PIK3AP1: variants seen among roughly 807,000 people sequenced by gnomAD.
PIK3AP1 encodes the protein phosphoinositide 3-kinase adapter protein 1.
A neutral mutation model predicts 88.1 loss-of-function variants in PIK3AP1; 21 were observed. That is an observed-to-expected ratio of 0.24 (90% CI 0.17 to 0.34). The LOEUF is 0.34. Ranked by LOEUF, PIK3AP1 falls within the 10% of genes least tolerant of loss-of-function variation. The pLI is 1.00. For synonymous variants in PIK3AP1, 398 were observed against 400.0 expected, an observed-to-expected ratio of 1.00 and a Z score of 0.06; for missense variants, 828 against 1,035.7, an observed-to-expected ratio of 0.80 and a Z score of 2.75.
chr10:96,672,167 G>A, intron 2 of PIK3AP1, among the ~76,000 whole-genome samples: 1 of 152,230 alleles, frequency 6.6e-6, no homozygotes. Flanking sequence ...GCTTCCAGAG[G>A]TGGTTGGAGC....
chr10:96,719,012 C>T (rs1844538581), intron 1 of PIK3AP1, among the ~76,000 whole-genome samples: 1 of 152,114 alleles, frequency 6.6e-6, no homozygotes, highest in African/African-American at 2.4e-5. Context: ...TTTGAAAATC[C>T]TAACCCCAGT....
intron 2 of PIK3AP1, among the ~76,000 whole-genome samples, chr10:96,708,901 C>T (rs1488265989): frequency 2.0e-5 from 3 of 152,004 alleles, no homozygotes; most frequent in Non-Finnish European, 4.4e-5. Context: ...GAGGCTGAGG[C>T]GGGTGGATCA....
rs116832050 is a variant in PIK3AP1 at position 96,618,136 on chromosome 10, G to A, written c.1942-1425C>T. Among the ~76,000 whole-genome samples the A allele has an allele frequency of 5.6e-3, 848 of 152,276 alleles. 9 individuals are homozygous for A. Among genetic ancestry groups the A allele is most frequent in the African/African-American group, 0.02 (815 of 41,558 alleles). ...GTGAGCCCCCATGAGCTGGGATTCT[G>A]CCGTATTAAATATAAACCCGTCGTC... On this transcript the variant is annotated intron_variant, in intron 12 of 16. Transcript: ENST00000339364.
intron 11 of PIK3AP1, among the ~76,000 whole-genome samples, chr10:96,623,081 A>G (rs553099364): frequency 1.3e-5 from 2 of 152,272 alleles, no homozygotes; most frequent in East Asian, 3.9e-4. Context: ...GGTCCTTTGT[A>G]CGACCAATTT....
chr10:96,685,006 T>C (rs968828069), intron 2 of PIK3AP1, among the ~76,000 whole-genome samples: 2 of 152,186 alleles, frequency 1.3e-5, no homozygotes, highest in African/African-American at 4.8e-5. Context: ...GATCACAATC[T>C]CCCCAACACA....
chr10:96,644,987 G>C (rs1843439628), intron 8 of PIK3AP1, among the ~76,000 whole-genome samples: 1 of 152,054 alleles, frequency 6.6e-6, no homozygotes, highest in Non-Finnish European at 1.5e-5. Context: ...GAGTGTGTCT[G>C]CATCTGACTC....
At chr10:96,713,216 G>C (rs1844459986) in intron 1 of PIK3AP1, among the ~76,000 whole-genome samples, 1 of 151,916 alleles carries the variant, frequency 6.6e-6, no homozygotes. Context: ...GCAAAAATTA[G>C]GCCAGGCGCG....
chr10:96,651,794 G>C, intron 4 of PIK3AP1, 143 bp from the exon 5 acceptor site: 1 of 957,098 alleles, frequency 1.0e-6, no homozygotes, highest in Non-Finnish European at 1.5e-6. Flanking sequence ...GAGCTGGGGC[G>C]GGAGTGAGGG....
At chr10:96,687,622 A>G (rs937690479) in intron 2 of PIK3AP1, among the ~76,000 whole-genome samples, 1 of 151,772 alleles carries the variant, frequency 6.6e-6, no homozygotes, top group Non-Finnish European at 1.5e-5. Context: ...CGCTTTCTCT[A>G]TTTTTCCCAT....
rs573292871 is a variant in PIK3AP1, at chr10:96,669,158, C to T, written c.431-12224G>A. ...AAAATAAAATAAAATTTAACCACCACACAAATGGGGCAGGAATATAGAGTT... is the reference window on the plus strand; with the variant it reads ...AAAATAAAATAAAATTTAACCACCATACAAATGGGGCAGGAATATAGAGTT... On this transcript the variant is annotated intron_variant, in intron 2 of 16. Coordinates refer to ENST00000339364, the MANE Select transcript of PIK3AP1 (RefSeq NM_152309.3). Among the ~76,000 whole-genome samples the T allele has an allele frequency of 4.1e-4, 63 of 151,986 alleles. No individual in the cohort carries two copies. The South Asian group carries it at 0.013, about 31-fold the overall frequency.
chr10:96,695,612 G>T (rs1844209475), intron 2 of PIK3AP1, among the ~76,000 whole-genome samples: 1 of 152,138 alleles, frequency 6.6e-6, no homozygotes, highest in Admixed American at 6.6e-5. Flanking sequence ...CTTCTTAATG[G>T]TGATGGAGAA....
At chr10:96,640,511 A>AAT (rs1456161502) in intron 8 of PIK3AP1, among the ~76,000 whole-genome samples, 1 of 152,218 alleles carries the variant, frequency 6.6e-6, no homozygotes, top group African/African-American at 2.4e-5. Context: ...ACAAAGAACT[A>AAT]AGTGAGAAAA....
chr10:96,712,049 C>T (rs192698857), intron 1 of PIK3AP1, among the ~76,000 whole-genome samples: 20 of 152,042 alleles, frequency 1.3e-4, no homozygotes, highest in Non-Finnish European at 2.4e-4. Context: ...CCACCGCACC[C>T]GGCCATATTA....
At chr10:96,608,890 G>A (rs1172794740) in intron 14 of PIK3AP1, among the ~76,000 whole-genome samples, 1 of 152,198 alleles carries the variant, frequency 6.6e-6, no homozygotes, top group Non-Finnish European at 1.5e-5. Context: ...TGCTTTCCTA[G>A]CTGTTTTATT....
At position 96,651,618 on chromosome 10, in the gene PIK3AP1, T is replaced by C; in HGVS notation, c.746A>G (p.Tyr249Cys). 1 of 1,614,130 alleles carries C rather than the reference T, an allele frequency of 6.2e-7. No individual in the cohort carries two copies. Among genetic ancestry groups the C allele is most frequent in the Non-Finnish European group, 8.5e-7 (1 of 1,180,000 alleles). ...LSSGNVSLKIYSGDLVVCETV... is the reference protein window; with the variant it reads ...LSSGNVSLKICSGDLVVCETV... ...TTCACACACCACTAAGTCTCCAGAATATATCTTCAGAGAAACGTTCCCAGA... is the reference window on the plus strand; with the variant it reads ...TTCACACACCACTAAGTCTCCAGAACATATCTTCAGAGAAACGTTCCCAGA... Residue 249 changes from tyrosine (Y) to cysteine (C), a missense_variant, in exon 5 of 17, where the codon TAT becomes TGT. Coordinates refer to ENST00000339364, the MANE Select transcript of PIK3AP1 (RefSeq NM_152309.3).
At chr10:96,699,182 C>T (rs1021220267) in intron 2 of PIK3AP1, among the ~76,000 whole-genome samples, 4 of 151,666 alleles carry the variant, frequency 2.6e-5, no homozygotes, top group African/African-American at 4.8e-5. Context: ...AAAACTCTGT[C>T]TCAAAAAAAA....
At chr10:96,623,855 A>G (rs1843120171) in intron 10 of PIK3AP1, among the ~76,000 whole-genome samples, 1 of 152,210 alleles carries the variant, frequency 6.6e-6, no homozygotes, top group Non-Finnish European at 1.5e-5. Context: ...TGAGCCTTAA[A>G]ATTAGAGAAT....
intron 8 of PIK3AP1, among the ~76,000 whole-genome samples, chr10:96,629,872 C>T (rs569567497): frequency 2.0e-4 from 23 of 116,082 alleles, no homozygotes; most frequent in African/African-American, 6.9e-4. Context: ...CCAGCCGGGG[C>T]GATAGAGCAA....
At chr10:96,611,540 G>T (rs1849110172) in intron 13 of PIK3AP1, among the ~76,000 whole-genome samples, 1 of 152,120 alleles carries the variant, frequency 6.6e-6, no homozygotes, top group Non-Finnish European at 1.5e-5. Flanking sequence ...CGCCATCTTG[G>T]CTCACTTCAA....
Sources: gnomAD v4.1 joint callset for allele counts (sites outside exome capture counted in the v4.1 genomes callset) on GRCh38, gnomAD v4.1.1 for gene constraint, MANE v1.5 for transcripts, NCBI Gene and HGNC (gene_info 2026-07-23, HGNC 2026-07-21) for gene names.